The following FAM163B variants were observed in gnomAD, a reference collection of about 807,000 sequenced individuals.
FAM163B encodes the protein family with sequence similarity 163 member B.
FAM163B carries 4 observed loss-of-function variants against 7.6 expected under a neutral mutation model. The observed-to-expected ratio is 0.52, with a 90% CI of 0.26 to 1.20. The LOEUF (loss-of-function observed/expected upper bound fraction) is 1.20. Ranked by LOEUF, FAM163B falls within the 50% of genes most tolerant of loss-of-function variation. FAM163B has a pLI of 0.14. For synonymous variants in FAM163B, 120 were observed against 111.6 expected, an observed-to-expected ratio of 1.07 and a Z score of -0.47; for missense variants, 250 against 243.0, an observed-to-expected ratio of 1.03 and a Z score of -0.19.
At chr9:133,586,873 G>A (rs1022492995) in intron 1 of FAM163B, among the ~76,000 whole-genome samples, 43 of 151,292 alleles carry the variant, frequency 2.8e-4, no homozygotes, top group Admixed American at 6.6e-5. Flanking sequence ...GCGGGACTCT[G>A]TGCATTCATC....
intron 1 of FAM163B, among the ~76,000 whole-genome samples, chr9:133,596,045 G>C (rs111825156): frequency 1.3e-5 from 2 of 152,024 alleles, no homozygotes; most frequent in Non-Finnish European, 2.9e-5. Context: ...TGCAAGGCAG[G>C]CATGGTGGGG....
intron 1 of FAM163B, among the ~76,000 whole-genome samples, chr9:133,597,366 C>A (rs571573637): frequency 6.6e-6 from 1 of 152,060 alleles, no homozygotes; most frequent in Non-Finnish European, 1.5e-5. Context: ...ATGGAATTAA[C>A]CTCAGACTAG....
chr9:133,605,421 G>A (rs1217893603), intron 1 of FAM163B, among the ~76,000 whole-genome samples: 2 of 152,200 alleles, frequency 1.3e-5, no homozygotes, highest in Non-Finnish European at 2.9e-5. Flanking sequence ...AGCCCTGGGA[G>A]CCTGGTTTGT....
rs1437528619 is a variant in FAM163B at position 133,581,608 on chromosome 9, A to C, written c.-23-1362T>G. On this transcript the variant is annotated intron_variant, in intron 1 of 2. Coordinates refer to ENST00000673969, the MANE Select transcript of FAM163B (RefSeq NM_001080515.3). Reference sequence around the variant, plus strand: ...TGCTTTTGGCTCCTTTTGCTCTAGAACAGCTCAAAACCCATTCACGCCCCG... The same window carrying C: ...TGCTTTTGGCTCCTTTTGCTCTAGACCAGCTCAAAACCCATTCACGCCCCG... 2.0e-5 allele frequency among the ~76,000 whole-genome samples: 3 copies of C among 152,248 alleles called. No individual in the cohort carries two copies. The East Asian group carries it at 5.8e-4, about 29-fold the overall frequency.
At chr9:133,596,976 A>C (rs1831641690) in intron 1 of FAM163B, among the ~76,000 whole-genome samples, 1 of 152,242 alleles carries the variant, frequency 6.6e-6, no homozygotes, top group Non-Finnish European at 1.5e-5. Context: ...CTTAAAAGCA[A>C]GGCCTGAAAG....
At chr9:133,599,609 T>C (rs1371611416) in intron 1 of FAM163B, among the ~76,000 whole-genome samples, 1 of 151,886 alleles carries the variant, frequency 6.6e-6, no homozygotes, top group Non-Finnish European at 1.5e-5. Flanking sequence ...AATGTGTGTG[T>C]GCATGTATCT....
Position 133,579,283 on chromosome 9 carries a change from G to A in FAM163B, c.240C>T (p.Phe80=). The stretch of plus-strand genomic sequence containing the variant: ...CGCGGGCCTGCGGGGACTTCTGGCT[G>A]AAGGAGGTGGAGGCGGTGGGGTAGA... ...PALYPTASTS[F]SQKSPQARAL... The change falls in exon 3 of 3, where the codon TTC becomes TTT. Residue 80 remains phenylalanine (F), a synonymous_variant. Coordinates refer to ENST00000673969, the MANE Select transcript of FAM163B (RefSeq NM_001080515.3). 1 of 1,613,310 alleles carries A rather than the reference G, an allele frequency of 6.2e-7. No homozygotes were observed. The highest frequency in any genetic ancestry group is 1.1e-5 in the South Asian group (1 of 91,026).
intron 1 of FAM163B, among the ~76,000 whole-genome samples, chr9:133,584,154 G>A (rs985663870): frequency 1.3e-5 from 2 of 151,920 alleles, no homozygotes; most frequent in South Asian, 4.2e-4. Context: ...AACTTCAAAC[G>A]CCAGAGCTGA....
At chr9:133,597,835 C>T (rs188638774) in intron 1 of FAM163B, among the ~76,000 whole-genome samples, 1 of 151,606 alleles carries the variant, frequency 6.6e-6, no homozygotes, top group African/African-American at 2.4e-5. Context: ...TGGTGCCTTT[C>T]GAGTGCTAAA....
At chr9:133,587,718 C>T (rs1158237899) in intron 1 of FAM163B, among the ~76,000 whole-genome samples, 2 of 152,050 alleles carry the variant, frequency 1.3e-5, no homozygotes, top group African/African-American at 2.4e-5. Flanking sequence ...GAGTGGCTTG[C>T]GTCCCCGACG....
At chr9:133,608,075 G>A (rs1274883991) in intron 1 of FAM163B, among the ~76,000 whole-genome samples, 1 of 152,224 alleles carries the variant, frequency 6.6e-6, no homozygotes, top group Non-Finnish European at 1.5e-5. Flanking sequence ...GCCCTGAAGA[G>A]CGTGAGTTGG....
In FAM163B at chr9:133,600,669, T is replaced by C. The variant is rs1831710497; in HGVS notation, c.-24+8408A>G. ...CTCGTGGGGCTTGAGGAGAGGTTGGTCTAAGCTCCTGGAGTCGCAGGCTCC... is the reference window on the plus strand; with the variant it reads ...CTCGTGGGGCTTGAGGAGAGGTTGGCCTAAGCTCCTGGAGTCGCAGGCTCC... On this transcript the variant is annotated intron_variant, in intron 1 of 2. Coordinates refer to ENST00000673969, the MANE Select transcript of FAM163B (RefSeq NM_001080515.3). The surrounding 1 kb of genome is among the most constrained non-coding windows in gnomAD (Gnocchi z 4.9). Among the ~76,000 whole-genome samples, 1 of 152,080 alleles carries C rather than the reference T, an allele frequency of 6.6e-6. No homozygotes were observed. Among genetic ancestry groups the C allele is most frequent in the Non-Finnish European group, 1.5e-5 (1 of 68,004 alleles).
chr9:133,593,793 G>A (rs541835475), intron 1 of FAM163B, among the ~76,000 whole-genome samples: 24 of 152,208 alleles, frequency 1.6e-4, no homozygotes, highest in African/African-American at 5.5e-4. Flanking sequence ...GGCTAGATTC[G>A]CACCCCGGCC....
chr9:133,608,163 A>C (rs1208320703), intron 1 of FAM163B, among the ~76,000 whole-genome samples: 1 of 152,212 alleles, frequency 6.6e-6, no homozygotes, highest in Non-Finnish European at 1.5e-5. Flanking sequence ...TTACTGGGGA[A>C]GGTGCTAGGA....
chr9:133,588,224 G>A (rs1313856865), intron 1 of FAM163B, among the ~76,000 whole-genome samples: 4 of 152,180 alleles, frequency 2.6e-5, no homozygotes, highest in African/African-American at 7.2e-5. Flanking sequence ...GTCGGGGATC[G>A]TGGGAGATGG....
Position 133,609,316 on chromosome 9 carries a change from TCCGGACG to T in FAM163B, c.-270_-264del, listed in dbSNP as rs1831825243. Among the ~76,000 whole-genome samples, 1 of 149,618 alleles carries T rather than the reference TCCGGACG, an allele frequency of 6.7e-6. No homozygotes were observed. Among genetic ancestry groups the T allele is most frequent in the African/African-American group, 2.4e-5 (1 of 41,156 alleles). On this transcript the variant is annotated 5_prime_UTR_variant, in exon 1 of 3. Transcript: ENST00000673969. ...GCCAGCTCCGCGCTGCGGCCGCGAC[TCCGGACG>T]CCCCGGCTGGCTCCCTGCGAGCTGC... is the stretch of plus-strand genomic sequence containing the variant.
intron 1 of FAM163B, among the ~76,000 whole-genome samples, chr9:133,592,162 G>T (rs1034481835): frequency 1.4e-4 from 22 of 152,156 alleles, no homozygotes; most frequent in African/African-American, 5.1e-4. Flanking sequence ...GCACAGGCCT[G>T]GTAAACAGTG....
intron 1 of FAM163B, among the ~76,000 whole-genome samples, chr9:133,581,912 C>G (rs1040520387): frequency 2.0e-5 from 3 of 152,188 alleles, no homozygotes; most frequent in Non-Finnish European, 4.4e-5. Flanking sequence ...GCATCCTGTG[C>G]GTGACCTGGA....
chr9:133,608,848 C>G (rs1245003872), intron 1 of FAM163B, among the ~76,000 whole-genome samples: 1 of 152,246 alleles, frequency 6.6e-6, no homozygotes, highest in Non-Finnish European at 1.5e-5. Context: ...GGGTCCCCCA[C>G]CTCTCCCTTA....
Sources: gnomAD v4.1 joint callset for allele counts (sites outside exome capture counted in the v4.1 genomes callset) on GRCh38, gnomAD v4.1.1 for gene constraint, Gnocchi (gnomAD v3.1) non-coding constraint, MANE v1.5 for transcripts, NCBI Gene and HGNC (gene_info 2026-07-23, HGNC 2026-07-21) for gene names.